The following LDB2 variants were observed in gnomAD, a reference collection of about 807,000 sequenced individuals.
The protein encoded by LDB2 is LIM domain binding 2.
LDB2 carries 12 observed loss-of-function variants against 44.3 expected under a neutral mutation model. That is an observed-to-expected ratio of 0.27 (90% confidence interval 0.17 to 0.44). The LOEUF is 0.44. Among genes scored for constraint, LDB2 ranks in the 20% least tolerant of loss-of-function variants. The pLI is 1.00. For synonymous variants in LDB2, 164 were observed against 174.8 expected, an observed-to-expected ratio of 0.94 and a Z score of 0.49; for missense variants, 344 against 473.5, an observed-to-expected ratio of 0.73 and a Z score of 2.54.
At chr4:16,574,542 A>G (rs1401122726) in intron 5 of LDB2, among the ~76,000 whole-genome samples, 1 of 152,208 alleles carries the variant, frequency 6.6e-6, no homozygotes, top group Admixed American at 6.5e-5. Flanking sequence ...ACAGTTTAGG[A>G]AGTGCTTGTC....
chr4:16,894,370 T>G (rs1006606079), intron 1 of LDB2, among the ~76,000 whole-genome samples: 88 of 152,192 alleles, frequency 5.8e-4, no homozygotes, highest in African/African-American at 1.9e-3. Flanking sequence ...TAATTTCATT[T>G]TAAAGGGTGG....
At chr4:16,771,110 T>C (rs2013588137) in intron 1 of LDB2, among the ~76,000 whole-genome samples, 1 of 152,134 alleles carries the variant, frequency 6.6e-6, no homozygotes, top group Admixed American at 6.6e-5. Flanking sequence ...CCCTATTGCA[T>C]TTGAATAGTT....
rs73799256 is a variant in LDB2 at position 16,723,327 on chromosome 4, A to G, written c.235+35831T>C. ...GCCAGCACCTGGTGAGAGTCATCCC[A>G]TGGCGGAAGATGGAAGGGCAAGAGG... On this transcript the variant is annotated intron_variant, in intron 2 of 7. Transcript: ENST00000304523. 6.7e-3 allele frequency among the ~76,000 whole-genome samples: 1,027 copies of G among 152,224 alleles called. 7 individuals carry two copies. The highest frequency in any genetic ancestry group is 0.019 in the African/African-American group (784 of 41,550).
chr4:16,897,937 T>TATAC (rs1201085796), intron 1 of LDB2, among the ~76,000 whole-genome samples: 11 of 19,022 alleles, frequency 5.8e-4, no homozygotes, highest in African/African-American at 7.6e-4. Context: ...TATATATATA[T>TATAC]ACACATATGT....
At chr4:16,698,571 T>A (rs187214504) in intron 2 of LDB2, among the ~76,000 whole-genome samples, 15 of 152,348 alleles carry the variant, frequency 9.8e-5, no homozygotes, top group African/African-American at 1.9e-4. Context: ...TGAATTTTTT[T>A]AATATCCTTT....
At chr4:16,506,957 T>C (rs565125018) in intron 7 of LDB2, 10 of 152,320 alleles carry the variant, frequency 6.6e-5, no homozygotes, top group South Asian at 2.1e-4. Context: ...AACTCCAGGA[T>C]TGGATAAAGA....
chr4:16,759,548 G>A (rs1213861600), intron 1 of LDB2, among the ~76,000 whole-genome samples: 1 of 152,144 alleles, frequency 6.6e-6, no homozygotes, highest in African/African-American at 2.4e-5. Flanking sequence ...ACAATGTGAT[G>A]TTTTTTGACA....
At chr4:16,581,996 GGAAGGGAAGGAA>G (rs1482265505) in intron 5 of LDB2, among the ~76,000 whole-genome samples, 3 of 64,476 alleles carry the variant, frequency 4.7e-5, no homozygotes, top group Non-Finnish European at 1.2e-4. Flanking sequence ...AGGAAGGGAA[GGAAGGGAAGGAA>G]GGAAGGAAGG....
At chr4:16,842,528 T>C (rs1039201214) in intron 1 of LDB2, among the ~76,000 whole-genome samples, 4 of 152,224 alleles carry the variant, frequency 2.6e-5, no homozygotes, top group African/African-American at 9.7e-5. Context: ...TTATTTAATA[T>C]ACACATTTAT....
chr4:16,892,462 C>A (rs987942588), intron 1 of LDB2, among the ~76,000 whole-genome samples: 1 of 152,126 alleles, frequency 6.6e-6, no homozygotes, highest in Non-Finnish European at 1.5e-5. Context: ...AGAAGGAAAA[C>A]GCCTTGTCAG....
intron 2 of LDB2, among the ~76,000 whole-genome samples, chr4:16,740,305 T>C (rs1238085685): frequency 1.3e-5 from 2 of 152,230 alleles, no homozygotes; most frequent in African/African-American, 4.8e-5. Flanking sequence ...ACTCTTCTTT[T>C]GTCTTTTTGC....
chr4:16,540,620 T>C (rs947588995), intron 5 of LDB2, among the ~76,000 whole-genome samples: 4 of 152,190 alleles, frequency 2.6e-5, no homozygotes, highest in African/African-American at 9.7e-5. Flanking sequence ...TCCTACTTGA[T>C]TGCAAGTTCC....
At chr4:16,715,175 C>T (rs769892636) in intron 2 of LDB2, among the ~76,000 whole-genome samples, 8 of 152,120 alleles carry the variant, frequency 5.3e-5, no homozygotes, top group Non-Finnish European at 8.8e-5. Context: ...GAGAGGTTGA[C>T]TAACTGGCCC....
intron 1 of LDB2, among the ~76,000 whole-genome samples, chr4:16,828,033 T>C (rs1273948434): frequency 1.3e-5 from 2 of 152,070 alleles, no homozygotes; most frequent in Non-Finnish European, 2.9e-5. Context: ...CACCAAACCA[T>C]TTCCTTCCCT....
At chr4:16,697,716 A>G (rs1373118350) in intron 2 of LDB2, among the ~76,000 whole-genome samples, 2 of 152,134 alleles carry the variant, frequency 1.3e-5, no homozygotes, top group East Asian at 3.9e-4. Context: ...CTCTACAGGG[A>G]GGCTCCTCAA....
chr4:16,668,770 C>A (rs567239915), intron 2 of LDB2, among the ~76,000 whole-genome samples: 5 of 152,238 alleles, frequency 3.3e-5, no homozygotes, highest in African/African-American at 1.2e-4. Flanking sequence ...GATTTAGGTG[C>A]AGTTAGATGC....
At chr4:16,619,151 C>T (rs1353962937) in intron 2 of LDB2, among the ~76,000 whole-genome samples, 1 of 152,104 alleles carries the variant, frequency 6.6e-6, no homozygotes, top group Non-Finnish European at 1.5e-5. Context: ...GGACTAATAA[C>T]CAGGAGAACC....
At chr4:16,803,628 T>C in intron 1 of LDB2, among the ~76,000 whole-genome samples, 1 of 152,166 alleles carries the variant, frequency 6.6e-6, no homozygotes, top group Admixed American at 6.6e-5. Flanking sequence ...TTTTCAACCA[T>C]ATATCATGAG....
intron 2 of LDB2, among the ~76,000 whole-genome samples, chr4:16,657,866 G>A (rs1383924186): frequency 2.0e-5 from 3 of 152,138 alleles, no homozygotes; most frequent in Non-Finnish European, 4.4e-5. Context: ...GCTTTACTTA[G>A]TCCCCACTAT....
Sources: gnomAD v4.1 joint callset for allele counts (sites outside exome capture counted in the v4.1 genomes callset) on GRCh38, gnomAD v4.1.1 for gene constraint, MANE v1.5 for transcripts, NCBI Gene and HGNC (gene_info 2026-07-23, HGNC 2026-07-21) for gene names.